Variants in RALY observed in about 807,000 individuals in gnomAD.
RALY encodes RNA-binding protein Raly.
Under a neutral mutation model 30.7 loss-of-function variants are expected in RALY, and 15 were observed. That is an observed-to-expected ratio of 0.49 (90% CI 0.33 to 0.75). RALY has a LOEUF of 0.75. Ranked by LOEUF, RALY falls within the 30% of genes least tolerant of loss-of-function variation. RALY has a pLI of 0.02. For missense variants in RALY, 339 were observed against 414.3 expected (o/e 0.82, Z 1.58); for synonymous variants, 177 against 170.8 (o/e 1.04, Z -0.28).
At chr20:34,042,238 C>T (rs950810367) in intron 2 of RALY, among the ~76,000 whole-genome samples, 1 of 152,196 alleles carries the variant, frequency 6.6e-6, no homozygotes, top group Non-Finnish European at 1.5e-5. Context: ...CCCGCTCCCG[C>T]CGAGGCAGCT....
chr20:34,054,636 A>T (rs919227453), intron 2 of RALY, among the ~76,000 whole-genome samples: 1 of 151,802 alleles, frequency 6.6e-6, no homozygotes, highest in East Asian at 1.9e-4. Context: ...GACCAGCCTG[A>T]CCAATGTGGT....
intron 1 of RALY, among the ~76,000 whole-genome samples, chr20:34,016,802 C>T (rs908684386): frequency 1.3e-5 from 2 of 152,356 alleles, no homozygotes; most frequent in African/African-American, 2.4e-5. Flanking sequence ...CTGCCTGGGG[C>T]GGGGCATTTT....
At chr20:34,043,581 A>G (rs984454645) in intron 2 of RALY, among the ~76,000 whole-genome samples, 1 of 152,182 alleles carries the variant, frequency 6.6e-6, no homozygotes, top group Non-Finnish European at 1.5e-5. Context: ...TTAGAATGAT[A>G]TTTGAGGTTC....
chr20:34,009,128 G>A (rs745519474), intron 1 of RALY, among the ~76,000 whole-genome samples: 11 of 152,076 alleles, frequency 7.2e-5, no homozygotes, highest in Non-Finnish European at 1.6e-4. Flanking sequence ...AGAGCCTGAC[G>A]CTGACCATGA....
chr20:34,017,103 T>C (rs1471124186), intron 1 of RALY, among the ~76,000 whole-genome samples: 1 of 152,296 alleles, frequency 6.6e-6, no homozygotes, highest in Non-Finnish European at 1.5e-5. Context: ...CCCTATTTGA[T>C]GTGTTTTCCT....
At chr20:34,060,031 TA>T (rs2033368538) in intron 2 of RALY, among the ~76,000 whole-genome samples, 1 of 152,220 alleles carries the variant, frequency 6.6e-6, no homozygotes, top group Non-Finnish European at 1.5e-5. Flanking sequence ...ATTCAGCACT[TA>T]ATAAGTACCT....
rs3831778 is a variant in RALY at position 34,029,478 on chromosome 20, A to AAGGGAGGGAGGG, written c.-92-2021_-92-2010dup. ...GAAGAAAGGAGGGAGGGAGGGAGGA[A>AAGGGAGGGAGGG]AGGGAGGGAGGGAGGGAGGGAGGGA... On this transcript the variant is annotated intron_variant, in intron 1 of 9. Transcript: ENST00000246194. Among the ~76,000 whole-genome samples the AAGGGAGGGAGGG allele has an allele frequency of 1.3e-3, 74 of 56,180 alleles. 5 individuals are homozygous for AAGGGAGGGAGGG. The highest frequency in any genetic ancestry group is 9.4e-3 in the African/African-American group (62 of 6,570). 36.9% of individuals were successfully genotyped at this position (56,180 alleles called of 152,430 possible). A position where few individuals can be genotyped will look rare whatever the true frequency, so the allele number is the denominator to read the frequency against.
At chr20:34,070,216 A>C (rs894290804) in intron 2 of RALY, among the ~76,000 whole-genome samples, 5 of 152,160 alleles carry the variant, frequency 3.3e-5, no homozygotes, top group Non-Finnish European at 7.3e-5. Context: ...GTCTTTTATC[A>C]CCTGAAATGG....
At position 34,026,570 on chromosome 20, in the gene RALY, ATT is replaced by A. The variant is rs10712711; in HGVS notation, c.-92-4940_-92-4939del. Among the ~76,000 whole-genome samples the A allele has an allele frequency of 4.9e-4, 73 of 147,632 alleles. 1 individual carries two copies. The highest frequency in any genetic ancestry group is 4.2e-4 in the Non-Finnish European group (28 of 66,840). On this transcript the variant is annotated intron_variant, in intron 1 of 9. Coordinates refer to ENST00000246194, the MANE Select transcript of RALY (RefSeq NM_016732.3). ...GGCGCCCGCCAGCCATGCCCAGCTAATTTTTTTTTTTTTGTATTTTTAGTAGA... is the reference window on the plus strand; with the variant it reads ...GGCGCCCGCCAGCCATGCCCAGCTAATTTTTTTTTTTGTATTTTTAGTAGA...
intron 2 of RALY, chr20:34,065,266 A>G (rs754856084): frequency 3.3e-5 from 5 of 152,248 alleles, no homozygotes; most frequent in Non-Finnish European, 5.9e-5. Context: ...CAATTAGCCT[A>G]TTTGATTCTT....
chr20:34,048,203 CTCT>C (rs931124254), intron 2 of RALY, among the ~76,000 whole-genome samples: 13 of 152,202 alleles, frequency 8.5e-5, no homozygotes, highest in African/African-American at 2.7e-4. Context: ...CGTTAAAATG[CTCT>C]GCTGCTCACC....
rs1234013885 is a variant in RALY at position 34,082,761 on chromosome 20, C to T, written c.*2856C>T. On this transcript the variant is annotated 3_prime_UTR_variant, in exon 10 of 10. Transcript: ENST00000246194. The stretch of plus-strand genomic sequence containing the variant: ...AACAGTGCATACACATGCCCTTCCT[C>T]TGAGTCGGGGCAGCAAAAACATCCA... 1 of 152,210 alleles carries T rather than the reference C, an allele frequency of 6.6e-6. No individual in the cohort carries two copies. The highest frequency in any genetic ancestry group is 1.5e-5 in the Non-Finnish European group (1 of 68,052). The allele number at this position is 152,210 out of a possible 1,614,324, so 9.4% of individuals were successfully genotyped here.
intron 1 of RALY, among the ~76,000 whole-genome samples, chr20:34,007,704 C>T (rs1370185350): frequency 6.6e-6 from 1 of 151,018 alleles, no homozygotes; most frequent in Non-Finnish European, 1.5e-5. Context: ...CCTATAATCT[C>T]AGCTACTTGG....
chr20:33,994,632 C>G (rs971161571), intron 1 of RALY, among the ~76,000 whole-genome samples: 1 of 152,192 alleles, frequency 6.6e-6, no homozygotes, highest in Non-Finnish European at 1.5e-5. Flanking sequence ...CTCTTCTGGG[C>G]TCTTTGCACG....
chr20:34,071,302 T>G (rs567846329), intron 2 of RALY, among the ~76,000 whole-genome samples: 16 of 152,066 alleles, frequency 1.1e-4, no homozygotes, highest in Admixed American at 3.3e-4. Flanking sequence ...TTTCTTTTTT[T>G]TTTTTAGACA....
chr20:34,077,325 G>A (rs1601517332), intron 8 of RALY, 80 bp downstream of exon 8: 1 of 1,580,548 alleles, frequency 6.3e-7, no homozygotes, highest in Non-Finnish European at 8.6e-7. Context: ...TGGGCAGCCT[G>A]AGCTGGTTGC....
chr20:34,008,231 C>CA (rs2031247230), intron 1 of RALY, among the ~76,000 whole-genome samples: 2 of 151,982 alleles, frequency 1.3e-5, no homozygotes, highest in African/African-American at 4.8e-5. Flanking sequence ...GGCAGCTACT[C>CA]TTTTTTTTCT....
chr20:34,008,744 A>G (rs572138028), intron 1 of RALY, among the ~76,000 whole-genome samples: 159 of 152,212 alleles, frequency 1.0e-3, no homozygotes, highest in African/African-American at 3.7e-3. Context: ...CTGCAGCCTC[A>G]AACTCTTAGG....
intron 2 of RALY, among the ~76,000 whole-genome samples, chr20:34,067,816 C>CTTTTTT (rs11480087): frequency 6.0e-5 from 8 of 132,696 alleles, no homozygotes; most frequent in African/African-American, 1.7e-4. Flanking sequence ...TTTCTTTTTT[C>CTTTTTT]TTTTTTTTTT....
Sources: allele counts gnomAD v4.1 joint callset (sites outside exome capture counted in the v4.1 genomes callset), GRCh38; gene constraint gnomAD v4.1.1; transcripts MANE v1.5; gene names NCBI Gene and HGNC (gene_info 2026-07-23, HGNC 2026-07-21).